SOCS6: variants seen among roughly 807,000 people sequenced by gnomAD.
SOCS6 encodes the protein STAT induced STAT inhibitor-4.
A neutral mutation model predicts 27.7 loss-of-function variants in SOCS6; 5 were observed. That is an observed-to-expected ratio of 0.18 (90% CI 0.09 to 0.38). SOCS6 has a LOEUF of 0.38. Ranked by LOEUF, SOCS6 falls within the 10% of genes least tolerant of loss-of-function variation. The pLI is 1.00. For missense variants in SOCS6, 595 were observed against 688.1 expected (o/e 0.86, Z 1.51); for synonymous variants, 271 against 260.0 (o/e 1.04, Z -0.41).
At chr18:70,292,658 ACT>A (rs2146257506) in intron 1 of SOCS6, among the ~76,000 whole-genome samples, 1 of 151,852 alleles carries the variant, frequency 6.6e-6, no homozygotes, top group East Asian at 1.9e-4. Context: ...AAAAATCCAA[ACT>A]CTTCCTCATC....
intron 1 of SOCS6, chr18:70,314,103 A>G (rs2062401417): frequency 6.6e-6 from 1 of 152,118 alleles, no homozygotes; most frequent in Non-Finnish European, 1.5e-5. Context: ...AGAATCCACA[A>G]AAATTAGCCG....
chr18:70,293,185 G>A (rs930443471), intron 1 of SOCS6, among the ~76,000 whole-genome samples: 1 of 152,102 alleles, frequency 6.6e-6, no homozygotes, highest in Non-Finnish European at 1.5e-5. Flanking sequence ...TTTTCATGTT[G>A]TTATCTACAC....
At chr18:70,291,222 T>G (rs1305390111) in intron 1 of SOCS6, among the ~76,000 whole-genome samples, 1 of 152,202 alleles carries the variant, frequency 6.6e-6, no homozygotes, top group Non-Finnish European at 1.5e-5. Context: ...TCCACCTCCC[T>G]CAGCCTCCTG....
chr18:70,305,519 A>G (rs1171313059), intron 1 of SOCS6, among the ~76,000 whole-genome samples: 1 of 152,218 alleles, frequency 6.6e-6, no homozygotes, highest in African/African-American at 2.4e-5. Flanking sequence ...TCGAAATTGG[A>G]TAGTGTAACT....
At chr18:70,292,039 A>C (rs1207947874) in intron 1 of SOCS6, among the ~76,000 whole-genome samples, 1 of 152,208 alleles carries the variant, frequency 6.6e-6, no homozygotes, top group African/African-American at 2.4e-5. Context: ...GGCTGAGGAC[A>C]CAGTTTACTT....
chr18:70,308,094 G>A (rs2062376580), intron 1 of SOCS6, among the ~76,000 whole-genome samples: 1 of 152,062 alleles, frequency 6.6e-6, no homozygotes, highest in African/African-American at 2.4e-5. Context: ...ATTTAGAAGT[G>A]TTTTGTTTCA....
intron 1 of SOCS6, among the ~76,000 whole-genome samples, chr18:70,303,682 A>G (rs1395016119): frequency 6.6e-6 from 1 of 152,156 alleles, no homozygotes; most frequent in East Asian, 1.9e-4. Flanking sequence ...ATTTCCAGCT[A>G]CAGGAGGCTG....
At chr18:70,315,584 A>G (rs1600162651) in intron 1 of SOCS6, among the ~76,000 whole-genome samples, 1 of 152,178 alleles carries the variant, frequency 6.6e-6, no homozygotes, top group Non-Finnish European at 1.5e-5. Flanking sequence ...TTGTTTACCA[A>G]TTGAGTTTTC....
intron 1 of SOCS6, among the ~76,000 whole-genome samples, chr18:70,298,318 G>A (rs532597140): frequency 5.3e-5 from 8 of 150,818 alleles, no homozygotes; most frequent in Admixed American, 3.3e-4. Context: ...CAATTAATGT[G>A]GTGAGATTTT....
In SOCS6 at chr18:70,296,730, T is replaced by C. The variant is rs2062324462; in HGVS notation, c.-127+7640T>C. The C allele has an allele frequency of 3.3e-5, 5 of 152,346 alleles. No homozygotes were observed. In the South Asian group the frequency reaches 1.0e-3, roughly 32 times the overall value. The allele number at this position is 152,346 out of a possible 1,614,324, so 9.4% of individuals were successfully genotyped here. A position where few individuals can be genotyped will look rare whatever the true frequency, so the allele number is the denominator to read the frequency against. On this transcript the variant is annotated intron_variant, in intron 1 of 1. Coordinates refer to ENST00000397942, the MANE Select transcript of SOCS6 (RefSeq NM_004232.4). ...TGGAAGCTTTTGGGGGACTTTTGTG[T>C]TATTGCCTAAATACTAACATTTTAC...
At position 70,326,668 on chromosome 18, in the gene SOCS6, A is replaced by G. The variant is rs1171477914; in HGVS notation, c.*392A>G. 5.3e-6 allele frequency: 1 copy of G among 188,822 alleles called. No individual in the cohort carries two copies. Among genetic ancestry groups the G allele is most frequent in the Non-Finnish European group, 1.2e-5 (1 of 80,718 alleles). The allele number at this position is 188,822 out of a possible 1,614,324, so 11.7% of individuals were successfully genotyped here. A position where few individuals can be genotyped will look rare whatever the true frequency, so the allele number is the denominator to read the frequency against. Reference sequence around the variant, plus strand: ...AGTTGAATGAAACTTAACAGAATGGAAATTGCTATGTCTTTTTAAATGGTC... The same window carrying G: ...AGTTGAATGAAACTTAACAGAATGGGAATTGCTATGTCTTTTTAAATGGTC... On this transcript the variant is annotated 3_prime_UTR_variant, in exon 2 of 2. Coordinates refer to ENST00000397942, the MANE Select transcript of SOCS6 (RefSeq NM_004232.4).
At chr18:70,301,496 A>G (rs2146267906) in intron 1 of SOCS6, among the ~76,000 whole-genome samples, 1 of 146,692 alleles carries the variant, frequency 6.8e-6, no homozygotes. Context: ...GGAAGTATAG[A>G]GAAGATTTAA....
intron 1 of SOCS6, among the ~76,000 whole-genome samples, chr18:70,302,397 A>G (rs1371080013): frequency 1.3e-5 from 2 of 152,032 alleles, no homozygotes; most frequent in East Asian, 3.9e-4. Context: ...CGGGAAGGAG[A>G]AGAATGGACC....
At chr18:70,291,651 C>A (rs2062300035) in intron 1 of SOCS6, among the ~76,000 whole-genome samples, 1 of 152,078 alleles carries the variant, frequency 6.6e-6, no homozygotes. Flanking sequence ...CCAGATAAAC[C>A]CACTGTGAGT....
chr18:70,327,666 T>C lies in SOCS6; in HGVS notation c.*1390T>C, dbSNP rs1384865114. ...TTTTGTAATGCAGAGTGTTTATTCA[T>C]TTCACAGTTCTGCAATGGATGTAGT... On this transcript the variant is annotated 3_prime_UTR_variant, in exon 2 of 2. Transcript: ENST00000397942. The C allele has an allele frequency of 1.8e-5, 3 of 167,066 alleles. No homozygotes were observed. Among genetic ancestry groups the C allele is most frequent in the African/African-American group, 7.2e-5 (3 of 41,474 alleles). The allele number at this position is 167,066 out of a possible 1,614,324, so 10.3% of individuals were successfully genotyped here. A position where few individuals can be genotyped will look rare whatever the true frequency, so the allele number is the denominator to read the frequency against.
intron 1 of SOCS6, among the ~76,000 whole-genome samples, chr18:70,299,333 A>G (rs1472670871): frequency 6.6e-6 from 1 of 152,142 alleles, no homozygotes; most frequent in African/African-American, 2.4e-5. Flanking sequence ...TTTGCTGGAT[A>G]AAACTCAGGA....
At chr18:70,292,764 C>G (rs1459326829) in intron 1 of SOCS6, among the ~76,000 whole-genome samples, 1 of 152,206 alleles carries the variant, frequency 6.6e-6, no homozygotes, top group African/African-American at 2.4e-5. Context: ...GGGTTCTGCC[C>G]TAGCCTTTCC....
chr18:70,293,920 G>C (rs907196876), intron 1 of SOCS6, among the ~76,000 whole-genome samples: 1 of 151,774 alleles, frequency 6.6e-6, no homozygotes, highest in African/African-American at 2.4e-5. Context: ...GTGAAACCCC[G>C]TCTCTACTAA....
At chr18:70,311,869 G>T (rs1276504135) in intron 1 of SOCS6, among the ~76,000 whole-genome samples, 2 of 151,964 alleles carry the variant, frequency 1.3e-5, no homozygotes, top group Non-Finnish European at 2.9e-5. Context: ...TGACATTTAG[G>T]TTCCACATTT....
Sources: gnomAD v4.1 joint callset for allele counts (sites outside exome capture counted in the v4.1 genomes callset) on GRCh38, gnomAD v4.1.1 for gene constraint, MANE v1.5 for transcripts, NCBI Gene and HGNC (gene_info 2026-07-23, HGNC 2026-07-21) for gene names.